WDFY4: variants seen among roughly 807,000 people sequenced by gnomAD.
WDFY4 encodes the protein WD repeat- and FYVE domain-containing protein 4.
In WDFY4, 169 loss-of-function variants were observed where a neutral mutation model predicts 351.9. The ratio of observed to expected loss-of-function variants is 0.48; its 90% CI spans 0.42 to 0.55. The LOEUF (loss-of-function observed/expected upper bound fraction) is 0.55. Ranked by LOEUF, WDFY4 falls within the 20% of genes least tolerant of loss-of-function variation. The pLI, the probability that WDFY4 is intolerant of heterozygous loss-of-function variation, is 0.00. For missense variants in WDFY4, 3,803 were observed against 3,935.6 expected (o/e 0.97, Z 0.90); for synonymous variants, 1,622 against 1,574.6 (o/e 1.03, Z -0.71).
At position 48,826,781 on chromosome 10, in the gene WDFY4, A is replaced by G. The variant is rs766182005; in HGVS notation, c.6093A>G (p.Glu2031=). 1.4e-5 allele frequency: 21 copies of G among 1,551,818 alleles called. No individual in the cohort carries two copies. The highest frequency in any genetic ancestry group is 1.7e-5 in the Non-Finnish European group (20 of 1,147,048). The change falls in exon 36 of 62, where the codon GAA becomes GAG. Residue 2031 remains glutamate (E), a synonymous_variant. Transcript: ENST00000325239. ...CLSKPQQSLS[E]CLGLLSILGF... is the part of the protein sequence containing the mutation. Reference sequence around the variant, plus strand: ...CCAAGCCCCAGCAGTCCCTCTCCGAATGCCTCGGCCTTCTCAGCATCCTGG... The same window carrying G: ...CCAAGCCCCAGCAGTCCCTCTCCGAGTGCCTCGGCCTTCTCAGCATCCTGG...
chr10:48,971,911 C>T lies in WDFY4; in HGVS notation c.8928+1622C>T, dbSNP rs544767356. On this transcript the variant is annotated intron_variant, in intron 57 of 61. Transcript: ENST00000325239. The stretch of plus-strand genomic sequence containing the variant: ...CTGGAGTGCTCTCTCCCCAGCATCC[C>T]CATTGCCCATTTACAGCTTGCCCTG... 3.9e-5 allele frequency among the ~76,000 whole-genome samples: 6 copies of T among 152,302 alleles called. No homozygotes were observed. The South Asian group carries it at 1.2e-3, about 32-fold the overall frequency.
chr10:48,971,979 G>T (rs1842358205), intron 57 of WDFY4, among the ~76,000 whole-genome samples: 1 of 152,126 alleles, frequency 6.6e-6, no homozygotes, highest in Non-Finnish European at 1.5e-5. Flanking sequence ...CTGGCCTTGG[G>T]GTACTGGGGC....
intron 12 of WDFY4, among the ~76,000 whole-genome samples, chr10:48,756,732 A>G (rs894443820): frequency 6.6e-6 from 1 of 152,084 alleles, no homozygotes; most frequent in African/African-American, 2.4e-5. Flanking sequence ...TGATTTTATT[A>G]ATATGGATCA....
chr10:48,734,161 A>T lies in WDFY4; in HGVS notation c.1687+126A>T, dbSNP rs1301047967. 5 of 787,006 alleles carry T rather than the reference A, an allele frequency of 6.4e-6. No individual in the cohort carries two copies. The Admixed American group carries it at 1.3e-4, about 21-fold the overall frequency. The allele number at this position is 787,006 out of a possible 1,614,324, so 48.8% of individuals were successfully genotyped here. A position where few individuals can be genotyped will look rare whatever the true frequency, so the allele number is the denominator to read the frequency against. ...CAATACACAGCGTTAGCTGTGGCTAATGATCCTCTCTTGGCCGATGTTCAG... is the reference window on the plus strand; with the variant it reads ...CAATACACAGCGTTAGCTGTGGCTATTGATCCTCTCTTGGCCGATGTTCAG... On this transcript the variant is annotated intron_variant, in intron 10 of 61. Transcript: ENST00000325239.
chr10:48,690,276 C>T (rs1358954774), intron 1 of WDFY4, among the ~76,000 whole-genome samples: 2 of 152,166 alleles, frequency 1.3e-5, no homozygotes, highest in East Asian at 3.8e-4. Flanking sequence ...AGGTCTGATA[C>T]TTTAAGGAAA....
At chr10:48,785,900 AC>A (rs1460668370) in intron 19 of WDFY4, among the ~76,000 whole-genome samples, 2 of 152,208 alleles carry the variant, frequency 1.3e-5, no homozygotes, top group African/African-American at 2.4e-5. Context: ...TCTACAAAAA[AC>A]CTTTCTGGAA....
chr10:48,936,573 C>T (rs1445997813), intron 47 of WDFY4, among the ~76,000 whole-genome samples: 1 of 151,374 alleles, frequency 6.6e-6, no homozygotes, highest in Non-Finnish European at 1.5e-5. Context: ...TGTGGTGGCT[C>T]ATGCCTGTAA....
At chr10:48,834,815 C>G (rs1417093387) in intron 39 of WDFY4, among the ~76,000 whole-genome samples, 1 of 152,230 alleles carries the variant, frequency 6.6e-6, no homozygotes, top group Non-Finnish European at 1.5e-5. Flanking sequence ...CCCTTCCCCT[C>G]TAGTCACTCT....
chr10:48,855,519 T>A (rs1228259647), intron 39 of WDFY4, among the ~76,000 whole-genome samples: 2 of 152,162 alleles, frequency 1.3e-5, no homozygotes, highest in Non-Finnish European at 2.9e-5. Context: ...GTTCTCAAAC[T>A]TTTTGGTCTC....
chr10:48,832,605 A>G lies in WDFY4; in HGVS notation c.6559A>G (p.Asn2187Asp). ...SEKKSLASRS[N>D]VAHHSKVTLW... Reference sequence around the variant, plus strand: ...GAAGAAGTCACTGGCAAGTCGTTCAAATGTTGCACACCACAGCAAAGTCAC... The same window carrying G: ...GAAGAAGTCACTGGCAAGTCGTTCAGATGTTGCACACCACAGCAAAGTCAC... The change falls in exon 39 of 62, where the codon AAT (asparagine) becomes GAT (aspartate). Residue 2187 changes from asparagine (N) to aspartate (D), a missense_variant. Around this residue, in one of 3 missense-constraint regions of WDFY4, gnomAD observed 3,054 missense variants for 3,148.6 expected, o/e 0.97. Transcript: ENST00000325239. The G allele has an allele frequency of 6.5e-7, 1 of 1,549,434 alleles. No homozygotes were observed. Among genetic ancestry groups the G allele is most frequent in the Non-Finnish European group, 8.7e-7 (1 of 1,145,620 alleles).
At chr10:48,747,882 T>C (rs947213367) in intron 12 of WDFY4, among the ~76,000 whole-genome samples, 1 of 152,248 alleles carries the variant, frequency 6.6e-6, no homozygotes, top group African/African-American at 2.4e-5. Flanking sequence ...GCTCCAAGAT[T>C]TTCCTTTTCT....
At chr10:48,806,547 G>A (rs1370089024) in intron 27 of WDFY4, among the ~76,000 whole-genome samples, 5 of 152,202 alleles carry the variant, frequency 3.3e-5, no homozygotes, top group Non-Finnish European at 7.3e-5. Flanking sequence ...GCTGTCCCCA[G>A]TCCCACCAAA....
At chr10:48,977,047 C>T (rs1379596873) in intron 59 of WDFY4, 68 bp downstream of exon 59, 38 of 1,297,478 alleles carry the variant, frequency 2.9e-5, no homozygotes, top group Middle Eastern at 2.0e-4. Context: ...CTTCTCACTT[C>T]CTCCAGGGGG....
At chr10:48,831,471 C>G (rs1020706907) in intron 38 of WDFY4, among the ~76,000 whole-genome samples, 1 of 152,190 alleles carries the variant, frequency 6.6e-6, no homozygotes, top group Non-Finnish European at 1.5e-5. Context: ...ACCTCCTATA[C>G]TTGTACATCT....
Position 48,966,600 on chromosome 10 carries a change from G to C in WDFY4, c.8511G>C (p.Val2837=). 1 of 1,551,954 alleles carries C rather than the reference G, an allele frequency of 6.4e-7. No homozygotes were observed. The highest frequency in any genetic ancestry group is 8.7e-7 in the Non-Finnish European group (1 of 1,147,038). Residue 2837 remains valine (V), a synonymous_variant, in exon 55 of 62, where the codon GTG becomes GTC. Coordinates refer to ENST00000325239, the MANE Select transcript of WDFY4 (RefSeq NM_001394531.1). ...PLPGKDVSTP[V]SLPGHPQPFF... ...CTGGAAAGGATGTCTCCACCCCCGT[G>C]AGCCTGCCTGGCCACCCACAGCCCT...
chr10:48,790,791 C>G lies in WDFY4; in HGVS notation c.4131C>G (p.Ile1377Met). The G allele has an allele frequency of 2.6e-6, 4 of 1,551,788 alleles. No individual in the cohort carries two copies. Among genetic ancestry groups the G allele is most frequent in the South Asian group, 2.4e-5 (2 of 84,066 alleles). Reference sequence around the variant, plus strand: ...TGGACTTCATTGGCGGGCCTGCCATCCTCCTGGGCCTCATCTCCTTAGCGA... The same window carrying G: ...TGGACTTCATTGGCGGGCCTGCCATGCTCCTGGGCCTCATCTCCTTAGCGA... ...SSLDFIGGPA[I>M]LLGLISLATD... Residue 1377 changes from isoleucine to methionine, a missense_variant, in exon 23 of 62, where the codon ATC becomes ATG. Physicochemically the swap from Ile to Met is conservative, Grantham distance 10 (BLOSUM62 1). Transcript: ENST00000325239.
At chr10:48,919,261 A>C (rs1484350375) in intron 47 of WDFY4, among the ~76,000 whole-genome samples, 2 of 152,232 alleles carry the variant, frequency 1.3e-5, no homozygotes, top group Non-Finnish European at 2.9e-5. Context: ...TAAAGGGATA[A>C]TAAGAGAACA....
chr10:48,879,700 C>A (rs926985694), intron 43 of WDFY4, among the ~76,000 whole-genome samples: 1 of 152,198 alleles, frequency 6.6e-6, no homozygotes, highest in Non-Finnish European at 1.5e-5. Flanking sequence ...CGTTCCAGTG[C>A]TGGCAGAATC....
intron 40 of WDFY4, among the ~76,000 whole-genome samples, chr10:48,869,255 A>G (rs1307769824): frequency 6.6e-6 from 1 of 152,184 alleles, no homozygotes; most frequent in African/African-American, 2.4e-5. Flanking sequence ...GATTAGGCTT[A>G]AGAAATCTGC....
Sources: gnomAD v4.1 joint callset for allele counts (sites outside exome capture counted in the v4.1 genomes callset) on GRCh38, gnomAD v4.1.1 for gene constraint, gnomAD v4.1.1 regional missense constraint, MANE v1.5 for transcripts, NCBI Gene and HGNC (gene_info 2026-07-23, HGNC 2026-07-21) for gene names.